The following NRXN1 variants were observed in gnomAD, a reference collection of about 807,000 sequenced individuals.
NRXN1 encodes the protein neurexin-1.
In NRXN1, 39 loss-of-function variants were observed where a neutral mutation model predicts 150.9. That is an observed-to-expected ratio of 0.26 (90% CI 0.20 to 0.34). NRXN1 has a LOEUF of 0.34. NRXN1 is among the 10% of genes least tolerant of loss of function. The probability of loss-of-function intolerance (pLI) is 1.00; values close to 1 mark genes in which losing one functional copy is unlikely to be tolerated. For missense variants in NRXN1, 1,815 were observed against 1,949.9 expected, an observed-to-expected ratio of 0.93 and a Z score of 1.30; for synonymous variants, 924 against 757.0, an observed-to-expected ratio of 1.22 and a Z score of -3.62.
chr2:50,961,078 T>C (rs539319482), intron 2 of NRXN1, among the ~76,000 whole-genome samples: 1 of 151,946 alleles, frequency 6.6e-6, no homozygotes, highest in Non-Finnish European at 1.5e-5. Flanking sequence ...TTTACAAATA[T>C]GCTGATACAG....
chr2:50,832,053 G>A (rs1020039180), intron 5 of NRXN1, among the ~76,000 whole-genome samples: 2 of 152,156 alleles, frequency 1.3e-5, no homozygotes, highest in African/African-American at 4.8e-5. Flanking sequence ...GATTTTGAGT[G>A]AGGCAATAAC....
At chr2:50,700,280 C>T (rs568238827) in intron 5 of NRXN1, among the ~76,000 whole-genome samples, 6 of 152,292 alleles carry the variant, frequency 3.9e-5, no homozygotes, top group Admixed American at 3.3e-4. Context: ...ACCTGACCTA[C>T]AGCTGAGTTC....
At chr2:50,226,433 C>G (rs1040799259) in intron 18 of NRXN1, among the ~76,000 whole-genome samples, 3 of 151,846 alleles carry the variant, frequency 2.0e-5, no homozygotes, top group Non-Finnish European at 2.9e-5. Flanking sequence ...CCACATCTGA[C>G]TGTATTTCTA....
chr2:50,829,999 G>GAAAAA lies in NRXN1; in HGVS notation c.832+91865_832+91869dup, dbSNP rs572758147. Among the ~76,000 whole-genome samples, 90 of 58,170 alleles carry GAAAAA rather than the reference G, an allele frequency of 1.5e-3. 6 individuals carry two copies. The highest frequency in any genetic ancestry group is 3.1e-3 in the East Asian group (4 of 1,306). 38.2% of individuals were successfully genotyped at this position (58,170 alleles called of 152,430 possible). ...GGAACCCAAAGAATACTGCCTGCTG[G>GAAAAA]AAAAAAAAAAAAAAAAAAAAAAAAA... is the stretch of plus-strand genomic sequence containing the variant. On this transcript the variant is annotated intron_variant, in intron 5 of 22. Transcript: ENST00000401669.
At chr2:50,149,713 T>G (rs1024424207) in intron 18 of NRXN1, among the ~76,000 whole-genome samples, 1 of 151,742 alleles carries the variant, frequency 6.6e-6, no homozygotes, top group Non-Finnish European at 1.5e-5. Flanking sequence ...TATACATAGA[T>G]TTATCTCAGT....
chr2:50,324,436 C>A (rs1325628097), intron 17 of NRXN1, among the ~76,000 whole-genome samples: 4 of 152,256 alleles, frequency 2.6e-5, no homozygotes, highest in Admixed American at 2.0e-4. Context: ...CAGAAGCACT[C>A]ACTTGCAGGA....
At chr2:50,294,993 G>C (rs1312938659) in intron 17 of NRXN1, among the ~76,000 whole-genome samples, 4 of 152,206 alleles carry the variant, frequency 2.6e-5, no homozygotes, top group African/African-American at 4.8e-5. Flanking sequence ...CTATGGACAT[G>C]TAAGAATTTG....
intron 18 of NRXN1, among the ~76,000 whole-genome samples, chr2:50,160,995 A>C (rs1051139996): frequency 2.0e-5 from 3 of 152,158 alleles, no homozygotes; most frequent in Admixed American, 6.6e-5. Context: ...TTGAGACATT[A>C]GGCTATTGGT....
At chr2:49,989,295 T>C (rs2152518134) in intron 21 of NRXN1, among the ~76,000 whole-genome samples, 1 of 152,290 alleles carries the variant, frequency 6.6e-6, no homozygotes, top group South Asian at 2.1e-4. Context: ...TAAATTTCCA[T>C]GTCAAAAATA....
intron 21 of NRXN1, among the ~76,000 whole-genome samples, chr2:49,955,991 C>G (rs1219877885): frequency 2.0e-5 from 3 of 152,072 alleles, no homozygotes; most frequent in Non-Finnish European, 4.4e-5. Context: ...TGTGGTGGCG[C>G]ATGCAATCCA....
At chr2:50,528,406 C>G (rs1233977915) in intron 12 of NRXN1, among the ~76,000 whole-genome samples, 1 of 152,056 alleles carries the variant, frequency 6.6e-6, no homozygotes, top group Non-Finnish European at 1.5e-5. Context: ...CACTTGTCAC[C>G]TCTTTTTCCA....
At chr2:50,690,662 T>C (rs1006102838) in intron 5 of NRXN1, among the ~76,000 whole-genome samples, 3 of 152,230 alleles carry the variant, frequency 2.0e-5, no homozygotes, top group South Asian at 2.1e-4. Context: ...TGTAGGCATA[T>C]AGTACATATC....
intron 5 of NRXN1, among the ~76,000 whole-genome samples, chr2:50,842,988 G>A (rs1673097454): frequency 1.3e-5 from 2 of 152,284 alleles, no homozygotes; most frequent in South Asian, 4.1e-4. Context: ...TAATAAGAGA[G>A]AATCCAAATC....
chr2:50,189,735 C>T lies in NRXN1; in HGVS notation c.3546+47054G>A, dbSNP rs555344752. Among the ~76,000 whole-genome samples, 116 of 151,940 alleles carry T rather than the reference C, an allele frequency of 7.6e-4. 4 individuals carry two copies. In the South Asian group the frequency reaches 0.023, roughly 30 times the overall value. ...ATTTGACAGAGTATTCAAACTACAC[C>T]GAAGCTTAAACACCACTTTACTGTT... On this transcript the variant is annotated intron_variant, in intron 18 of 22. Transcript: ENST00000401669.
At chr2:50,710,272 C>T (rs964168296) in intron 5 of NRXN1, among the ~76,000 whole-genome samples, 6 of 152,156 alleles carry the variant, frequency 3.9e-5, no homozygotes, top group African/African-American at 1.4e-4. Context: ...GATATTTCAG[C>T]AAGCTGCAAA....
chr2:50,575,767 G>A (rs1455193994), intron 8 of NRXN1, among the ~76,000 whole-genome samples: 2 of 152,134 alleles, frequency 1.3e-5, no homozygotes, highest in Non-Finnish European at 2.9e-5. Flanking sequence ...CTTGTAGAAA[G>A]TGTTCAATAA....
chr2:50,674,622 C>T (rs1376401115), intron 5 of NRXN1, among the ~76,000 whole-genome samples: 2 of 151,928 alleles, frequency 1.3e-5, no homozygotes, highest in Admixed American at 6.6e-5. Flanking sequence ...ATAGAGAAGA[C>T]GGGTGACACC....
intron 2 of NRXN1, among the ~76,000 whole-genome samples, chr2:50,935,235 T>C (rs188400495): frequency 5.9e-5 from 9 of 152,266 alleles, no homozygotes; most frequent in East Asian, 1.9e-4. Context: ...TATTACACCA[T>C]AGAAAAATAA....
In NRXN1 at chr2:50,993,662, T is replaced by C. The variant is rs546701671; in HGVS notation, c.772+33840A>G. ...ATTTTTCATTTCTGGTAAAATGCCATGTAAGTGGAATGCTAATAAAATTTT... is the reference window on the plus strand; with the variant it reads ...ATTTTTCATTTCTGGTAAAATGCCACGTAAGTGGAATGCTAATAAAATTTT... On this transcript the variant is annotated intron_variant, in intron 2 of 22. Coordinates refer to ENST00000401669, the MANE Select transcript of NRXN1 (RefSeq NM_001330078.2). Among the ~76,000 whole-genome samples the C allele has an allele frequency of 3.3e-5, 5 of 152,102 alleles. No individual in the cohort carries two copies. In the South Asian group the frequency reaches 8.3e-4, roughly 25 times the overall value.
Sources: gnomAD v4.1 joint callset for allele counts (sites outside exome capture counted in the v4.1 genomes callset) on GRCh38, gnomAD v4.1.1 for gene constraint, MANE v1.5 for transcripts, NCBI Gene and HGNC (gene_info 2026-07-23, HGNC 2026-07-21) for gene names.